ASCC3: variants seen among roughly 807,000 people sequenced by gnomAD.
ASCC3 encodes activating signal cointegrator 1 complex subunit 3, also known as ASC-1 complex subunit P200.
A neutral mutation model predicts 256.3 loss-of-function variants in ASCC3; 158 were observed. That is an observed-to-expected ratio of 0.62 (90% CI 0.54 to 0.70). ASCC3 has a LOEUF of 0.70. ASCC3 is among the 30% of genes least tolerant of loss of function. The pLI, the probability that ASCC3 is intolerant of heterozygous loss-of-function variation, is 0.00. For synonymous variants in ASCC3, 948 were observed against 883.4 expected, an observed-to-expected ratio of 1.07 and a Z score of -1.30; for missense variants, 2,259 against 2,626.0, an observed-to-expected ratio of 0.86 and a Z score of 3.05.
intron 4 of ASCC3, among the ~76,000 whole-genome samples, chr6:100,825,153 A>G (rs552249671): frequency 6.6e-6 from 1 of 152,288 alleles, no homozygotes; most frequent in African/African-American, 2.4e-5. Context: ...TGTTTATAGG[A>G]TATGTTTTTC....
At chr6:100,715,236 C>A in intron 13 of ASCC3, 2 of 400,142 alleles carry the variant, frequency 5.0e-6, no homozygotes, top group Non-Finnish European at 8.9e-6. Context: ...TTAAAAATGG[C>A]AAACAAAATA....
intron 3 of ASCC3, chr6:100,858,163 A>G: frequency 2.2e-6 from 1 of 462,280 alleles, no homozygotes; most frequent in Non-Finnish European, 2.8e-6. Context: ...GGTAAAATGT[A>G]TTACGTTACA....
chr6:100,754,712 T>C (rs1282756159), intron 10 of ASCC3, among the ~76,000 whole-genome samples: 3 of 152,170 alleles, frequency 2.0e-5, no homozygotes, highest in Admixed American at 2.0e-4. Context: ...AGATCTGATA[T>C]GGTATGGCTG....
intron 37 of ASCC3, among the ~76,000 whole-genome samples, chr6:100,520,031 G>A (rs1160831172): frequency 1.3e-5 from 2 of 152,126 alleles, no homozygotes; most frequent in Non-Finnish European, 1.5e-5. Context: ...CCAAAATGTT[G>A]CTACAAGTTT....
intron 17 of ASCC3, among the ~76,000 whole-genome samples, 194 bp downstream of exon 17, chr6:100,655,505 A>G (rs1269294100): frequency 1.3e-5 from 2 of 151,838 alleles, no homozygotes; most frequent in Admixed American, 6.6e-5. Flanking sequence ...ATTTGTAGAA[A>G]AAGATATTTA....
chr6:100,787,994 G>A, intron 8 of ASCC3, among the ~76,000 whole-genome samples: 1 of 151,368 alleles, frequency 6.6e-6, no homozygotes. Flanking sequence ...AACTTCAAGG[G>A]TACTAATACA....
intron 4 of ASCC3, among the ~76,000 whole-genome samples, chr6:100,836,506 T>C (rs575449816): frequency 1.9e-4 from 29 of 152,212 alleles, no homozygotes; most frequent in African/African-American, 6.7e-4. Flanking sequence ...GATCAGGAAG[T>C]TTTTGTCCTT....
intron 36 of ASCC3, among the ~76,000 whole-genome samples, chr6:100,558,389 G>C (rs748286498): frequency 1.3e-5 from 2 of 152,032 alleles, no homozygotes; most frequent in Non-Finnish European, 2.9e-5. Flanking sequence ...TCTCTATTTT[G>C]ATTTGTAAAT....
chr6:100,598,994 TA>T (rs2114791115), intron 34 of ASCC3, among the ~76,000 whole-genome samples: 1 of 152,214 alleles, frequency 6.6e-6, no homozygotes, highest in East Asian at 1.9e-4. Flanking sequence ...GTGATAATAT[TA>T]AGAAAAGTAA....
chr6:100,643,096 A>T (rs1027424703), intron 23 of ASCC3, among the ~76,000 whole-genome samples: 6 of 152,270 alleles, frequency 3.9e-5, no homozygotes, highest in Non-Finnish European at 7.4e-5. Context: ...TGTTTACTTA[A>T]TATTTTTTGT....
Position 100,661,903 on chromosome 6 carries a change from G to T in ASCC3, c.2606C>A (p.Thr869Lys), listed in dbSNP as rs776337019. Residue 869 changes from threonine to lysine, a missense_variant, in exon 16 of 42, where the codon ACG becomes AAG. This residue lies in a region of ASCC3 where 1,839 missense variants were observed against 2,206.7 expected (regional missense o/e 0.83). Transcript: ENST00000369162. ...DKFGEGIIIT[T>K]HDKLSHYLTL... ...GAGGTAATGGCTGAGTTTATCATGC[G>T]TTGTTATAATTATTCCTTCCCCAAA... 3.1e-6 allele frequency: 5 copies of T among 1,613,356 alleles called. No individual in the cohort carries two copies. The South Asian group carries it at 4.4e-5, about 14-fold the overall frequency.
rs568170297 is a variant in ASCC3, at chr6:100,686,812, T to C, written c.2152-7060A>G. Among the ~76,000 whole-genome samples the C allele has an allele frequency of 2.3e-4, 35 of 152,316 alleles. 1 individual carries two copies. The Middle Eastern group carries it at 0.014, about 59-fold the overall frequency. ...AAGACTATTTATTGAACTATGTCCC[T>C]ATTCTGAATATAATCTGTTTAATTT... On this transcript the variant is annotated intron_variant, in intron 13 of 41. Transcript: ENST00000369162.
chr6:100,535,952 G>C (rs1435245402), intron 37 of ASCC3, among the ~76,000 whole-genome samples: 1 of 152,136 alleles, frequency 6.6e-6, no homozygotes, highest in African/African-American at 2.4e-5. Flanking sequence ...AGGGAATATA[G>C]TGTAGCCATT....
chr6:100,775,849 TA>T (rs61577544), intron 8 of ASCC3, among the ~76,000 whole-genome samples: 46 of 149,894 alleles, frequency 3.1e-4, no homozygotes, highest in East Asian at 5.8e-4. Flanking sequence ...TGACAGCAGT[TA>T]AAAAAAAAAT....
At chr6:100,741,662 T>C (rs1297215201) in intron 10 of ASCC3, among the ~76,000 whole-genome samples, 7 of 152,190 alleles carry the variant, frequency 4.6e-5, no homozygotes, top group Admixed American at 3.9e-4. Context: ...TTTTCTCTGC[T>C]TGGTCTATTC....
At chr6:100,575,942 T>C (rs1770836375) in intron 36 of ASCC3, among the ~76,000 whole-genome samples, 1 of 152,114 alleles carries the variant, frequency 6.6e-6, no homozygotes, top group Admixed American at 6.6e-5. Context: ...ACAGGCACTT[T>C]CTACTCTGGA....
intron 12 of ASCC3, among the ~76,000 whole-genome samples, chr6:100,717,086 T>A (rs1779119964): frequency 6.6e-6 from 1 of 151,936 alleles, no homozygotes; most frequent in African/African-American, 2.4e-5. Context: ...GAATTGTATA[T>A]CATAAACTCT....
At position 100,655,557 on chromosome 6, in the gene ASCC3, T is replaced by C. The variant is rs138640508; in HGVS notation, c.2823+142A>G. 8.5e-5 allele frequency: 80 copies of C among 942,334 alleles called. 2 individuals carry two copies. In the East Asian group the frequency reaches 2.0e-3, roughly 24 times the overall value. 58.4% of individuals were successfully genotyped at this position (942,334 alleles called of 1,614,324 possible). A position where few individuals can be genotyped will look rare whatever the true frequency, so the allele number is the denominator to read the frequency against. On this transcript the variant is annotated intron_variant, in intron 17 of 41. Coordinates refer to ENST00000369162, the MANE Select transcript of ASCC3 (RefSeq NM_006828.4). ...TAACTACAGGGGCCTATCTAATTTTTTGAAAAATATTAAATCTCTTGTTTT... is the reference window on the plus strand; with the variant it reads ...TAACTACAGGGGCCTATCTAATTTTCTGAAAAATATTAAATCTCTTGTTTT...
intron 14 of ASCC3, among the ~76,000 whole-genome samples, chr6:100,665,361 G>GT (rs1489239769): frequency 6.6e-6 from 1 of 152,006 alleles, no homozygotes; most frequent in African/African-American, 2.4e-5. Context: ...GTAAGTCTGG[G>GT]TTTTTTATTC....
Sources: gnomAD v4.1 joint callset for allele counts (sites outside exome capture counted in the v4.1 genomes callset) on GRCh38, gnomAD v4.1.1 for gene constraint, gnomAD v4.1.1 regional missense constraint, MANE v1.5 for transcripts, NCBI Gene and HGNC (gene_info 2026-07-23, HGNC 2026-07-21) for gene names.